CNTN4: variants seen among roughly 807,000 people sequenced by gnomAD.
CNTN4 encodes contactin-4.
CNTN4 carries 77 observed loss-of-function variants against 122.5 expected under a neutral mutation model. The observed-to-expected ratio is 0.63, with a 90% confidence interval of 0.52 to 0.76. CNTN4 has a LOEUF of 0.76. CNTN4 is among the 30% of genes least tolerant of loss of function. CNTN4 has a pLI of 0.00. For missense variants in CNTN4, 1,256 were observed against 1,259.1 expected, an observed-to-expected ratio of 1.00 and a Z score of 0.04; for synonymous variants, 512 against 447.0, an observed-to-expected ratio of 1.15 and a Z score of -1.83.
chr3:3,047,324 A>G (rs1421759876), intron 23 of CNTN4, among the ~76,000 whole-genome samples: 1 of 152,212 alleles, frequency 6.6e-6, no homozygotes, highest in Non-Finnish European at 1.5e-5. Flanking sequence ...CAGAATATAC[A>G]TTCTTCTCAG....
intron 17 of CNTN4, among the ~76,000 whole-genome samples, 165 bp downstream of exon 17, chr3:3,034,955 T>G (rs1699473972): frequency 6.6e-6 from 1 of 152,150 alleles, no homozygotes; most frequent in Admixed American, 6.5e-5. Context: ...ATATTTTTCT[T>G]TATATCAAAT....
At chr3:2,285,127 G>C (rs1038829069) in intron 2 of CNTN4, among the ~76,000 whole-genome samples, 1 of 152,074 alleles carries the variant, frequency 6.6e-6, no homozygotes, top group Non-Finnish European at 1.5e-5. Context: ...ATGCACTATG[G>C]AATTCAAAAA....
chr3:2,768,209 G>C (rs540270159), intron 6 of CNTN4, among the ~76,000 whole-genome samples: 1 of 152,190 alleles, frequency 6.6e-6, no homozygotes, highest in Non-Finnish European at 1.5e-5. Flanking sequence ...AATGAATGGC[G>C]AATCCGGTAA....
In CNTN4 at chr3:2,352,625, C is replaced by T. The variant is rs372872633; in HGVS notation, c.-89+13392C>T. On this transcript the variant is annotated intron_variant, in intron 3 of 24. Coordinates refer to ENST00000418658, the MANE Select transcript of CNTN4 (RefSeq NM_175607.3). The stretch of plus-strand genomic sequence containing the variant: ...TCTCACCGGGCCTCTGCTGCCTCCC[C>T]TTGGTGCAGGGCTCAGGACCTGCAG... 7.2e-5 allele frequency among the ~76,000 whole-genome samples: 11 copies of T among 152,320 alleles called. No individual in the cohort carries two copies. The East Asian group carries it at 2.1e-3, about 30-fold the overall frequency.
intron 2 of CNTN4, among the ~76,000 whole-genome samples, chr3:2,173,922 G>T (rs4685492): frequency 2.0e-5 from 3 of 152,172 alleles, no homozygotes; most frequent in African/African-American, 7.2e-5. Flanking sequence ...GAGGGTAGCT[G>T]TTGTTGCTAT....
chr3:2,272,575 T>C (rs2041343669), intron 2 of CNTN4, among the ~76,000 whole-genome samples: 1 of 152,196 alleles, frequency 6.6e-6, no homozygotes, highest in Non-Finnish European at 1.5e-5. Context: ...CCAAAAGATA[T>C]GAGAATATTT....
At chr3:2,978,925 G>A (rs978934050) in intron 13 of CNTN4, among the ~76,000 whole-genome samples, 1 of 150,944 alleles carries the variant, frequency 6.6e-6, no homozygotes, top group Non-Finnish European at 1.5e-5. Flanking sequence ...ACTGGAGTGA[G>A]GTCTGGTATA....
intron 14 of CNTN4, among the ~76,000 whole-genome samples, chr3:3,023,720 A>G (rs1020540677): frequency 4.6e-5 from 7 of 152,208 alleles, no homozygotes; most frequent in Non-Finnish European, 7.3e-5. Context: ...CTAAGGCAGT[A>G]ACTACCTGAC....
At chr3:2,603,896 C>T (rs2081150444) in intron 4 of CNTN4, among the ~76,000 whole-genome samples, 1 of 152,174 alleles carries the variant, frequency 6.6e-6, no homozygotes, top group Non-Finnish European at 1.5e-5. Context: ...CAGTACTGCA[C>T]GTGTGTATGT....
rs116393479 is a variant in CNTN4, at chr3:2,289,652, G to A, written c.-144-49526G>A. ...AACTTGGGATTTTTTTTTACTTTGG[G>A]CAGCTACCTTTCAACCTTCAGTGCT... is the stretch of plus-strand genomic sequence containing the variant. On this transcript the variant is annotated intron_variant, in intron 2 of 24. Transcript: ENST00000418658. Among the ~76,000 whole-genome samples, 768 of 152,066 alleles carry A rather than the reference G, an allele frequency of 5.1e-3. 7 individuals are homozygous for A. Among genetic ancestry groups the A allele is most frequent in the African/African-American group, 0.018 (736 of 41,478 alleles).
intron 6 of CNTN4, among the ~76,000 whole-genome samples, chr3:2,785,257 GT>G (rs2091767338): frequency 6.6e-6 from 1 of 152,144 alleles, no homozygotes; most frequent in Non-Finnish European, 1.5e-5. Context: ...GAAAGCTGGT[GT>G]TATAATTCCA....
intron 6 of CNTN4, among the ~76,000 whole-genome samples, chr3:2,791,676 C>A (rs2092016771): frequency 6.6e-6 from 1 of 152,154 alleles, no homozygotes; most frequent in Non-Finnish European, 1.5e-5. Context: ...CATTTGGTGA[C>A]TTGAAACAAA....
At chr3:2,362,359 G>C in intron 3 of CNTN4, 1 of 317,132 alleles carries the variant, frequency 3.2e-6, no homozygotes. Flanking sequence ...AGGTGTGACT[G>C]GTGGGAATGA....
At chr3:2,569,865 C>T (rs567893782) in intron 3 of CNTN4, among the ~76,000 whole-genome samples, 5 of 152,148 alleles carry the variant, frequency 3.3e-5, no homozygotes, top group Non-Finnish European at 7.3e-5. Context: ...AAAGTTTCCT[C>T]CTTCCTTGAT....
At chr3:2,172,675 GAGA>G (rs1266557761) in intron 2 of CNTN4, among the ~76,000 whole-genome samples, 1 of 152,210 alleles carries the variant, frequency 6.6e-6, no homozygotes, top group Non-Finnish European at 1.5e-5. Flanking sequence ...TTCTGAATGT[GAGA>G]AGGACATGAG....
chr3:2,630,217 T>G (rs961254079), intron 4 of CNTN4, among the ~76,000 whole-genome samples: 3 of 152,122 alleles, frequency 2.0e-5, no homozygotes, highest in Non-Finnish European at 4.4e-5. Flanking sequence ...GGCGGATCAC[T>G]TGAGGTCAGG....
chr3:2,615,612 T>C lies in CNTN4; in HGVS notation c.55+44054T>C, dbSNP rs529716432. Among the ~76,000 whole-genome samples the C allele has an allele frequency of 5.3e-5, 8 of 152,350 alleles. No individual in the cohort carries two copies. The South Asian group carries it at 1.7e-3, about 32-fold the overall frequency. On this transcript the variant is annotated intron_variant, in intron 4 of 24. Coordinates refer to ENST00000418658, the MANE Select transcript of CNTN4 (RefSeq NM_175607.3). ...AAACTTAGAGGGCTAAGCAGCTTTATTGAAGTATAATTTATATACCCTAAA... is the reference window on the plus strand; with the variant it reads ...AAACTTAGAGGGCTAAGCAGCTTTACTGAAGTATAATTTATATACCCTAAA...
At chr3:2,148,933 C>A (rs1013346186) in intron 2 of CNTN4, among the ~76,000 whole-genome samples, 11 of 135,138 alleles carry the variant, frequency 8.1e-5, no homozygotes, top group African/African-American at 3.2e-4. Flanking sequence ...CATCCCCTTA[C>A]TACCGTGACT....
intron 3 of CNTN4, among the ~76,000 whole-genome samples, chr3:2,394,041 T>C (rs912655081): frequency 2.0e-5 from 3 of 152,182 alleles, no homozygotes; most frequent in Admixed American, 6.5e-5. Flanking sequence ...ACTCCAATGT[T>C]GGTCAGGGTT....
Sources: gnomAD v4.1 joint callset for allele counts (sites outside exome capture counted in the v4.1 genomes callset) on GRCh38, gnomAD v4.1.1 for gene constraint, MANE v1.5 for transcripts, NCBI Gene and HGNC (gene_info 2026-07-23, HGNC 2026-07-21) for gene names.